The following PLA1A variants were observed in gnomAD, a reference collection of about 807,000 sequenced individuals.
PLA1A encodes the protein phospholipase A1 member A.
In PLA1A, 47 loss-of-function variants were observed where a neutral mutation model predicts 49.4. That is an observed-to-expected ratio of 0.95 (90% CI 0.75 to 1.21). The LOEUF is 1.21. Ranked by LOEUF, PLA1A falls within the 50% of genes most tolerant of loss-of-function variation. The pLI, the probability that PLA1A is intolerant of heterozygous loss-of-function variation, is 0.00. For missense variants in PLA1A, 561 were observed against 563.9 expected, an observed-to-expected ratio of 0.99 and a Z score of 0.05; for synonymous variants, 224 against 207.9, an observed-to-expected ratio of 1.08 and a Z score of -0.67.
intron 4 of PLA1A, among the ~76,000 whole-genome samples, chr3:119,612,207 C>G (rs1318215580): frequency 6.6e-6 from 1 of 152,196 alleles, no homozygotes; most frequent in African/African-American, 2.4e-5. Context: ...TTCCTACTCC[C>G]TCACCATGCT....
intron 1 of PLA1A, among the ~76,000 whole-genome samples, chr3:119,598,322 C>G (rs547293768): frequency 6.6e-6 from 1 of 152,088 alleles, no homozygotes; most frequent in South Asian, 2.1e-4. Flanking sequence ...AAATATCCAC[C>G]ATTCCAAGAT....
chr3:119,606,265 T>C (rs1482850130), intron 1 of PLA1A, among the ~76,000 whole-genome samples: 1 of 152,248 alleles, frequency 6.6e-6, no homozygotes, highest in East Asian at 1.9e-4. Context: ...CAGGACACTG[T>C]CCTTGGCTTG....
Position 119,622,914 on chromosome 3 carries a change from C to G in PLA1A, c.1013-2210C>G, listed in dbSNP as rs369709400. Among the ~76,000 whole-genome samples the G allele has an allele frequency of 2.6e-5, 4 of 152,266 alleles. 1 individual carries two copies. The East Asian group carries it at 7.7e-4, about 29-fold the overall frequency. The stretch of plus-strand genomic sequence containing the variant: ...CGATCTTGACTCACTGCAACCTCCG[C>G]CTCTTGGGTTCAAGCAATTCTTCTG... On this transcript the variant is annotated intron_variant, in intron 8 of 10. Coordinates refer to ENST00000273371, the MANE Select transcript of PLA1A (RefSeq NM_015900.4).
Position 119,616,069 on chromosome 3 carries a change from A to G in PLA1A, c.722A>G (p.Asp241Gly). 6.2e-7 allele frequency: 1 copy of G among 1,613,532 alleles called. No homozygotes were observed. Among genetic ancestry groups the G allele is most frequent in the African/African-American group, 1.3e-5 (1 of 75,046 alleles). ...GACTACTTCGTCAACGGAGGCCAAGACCAACCTGGCTGCCCCACCTTCTTT... is the reference window on the plus strand; with the variant it reads ...GACTACTTCGTCAACGGAGGCCAAGGCCAACCTGGCTGCCCCACCTTCTTT... ...HVDYFVNGGQ[D>G]QPGCPTFFYA... The change falls in exon 6 of 11, where the codon GAC (aspartate) becomes GGC (glycine). Residue 241 changes from aspartate to glycine, a missense_variant. Physicochemically the swap from Asp to Gly is moderately conservative, Grantham distance 94. Coordinates refer to ENST00000273371, the MANE Select transcript of PLA1A (RefSeq NM_015900.4).
chr3:119,616,540 T>G (rs763497337), intron 6 of PLA1A, among the ~76,000 whole-genome samples: 6 of 152,284 alleles, frequency 3.9e-5, no homozygotes, highest in Admixed American at 6.5e-5. Flanking sequence ...ATTGATATAT[T>G]CTTAGCAGAC....
intron 9 of PLA1A, among the ~76,000 whole-genome samples, chr3:119,627,715 G>A (rs1265838298): frequency 6.6e-6 from 1 of 151,980 alleles, no homozygotes; most frequent in Non-Finnish European, 1.5e-5. Flanking sequence ...GATCACAAAG[G>A]GCCCCACAAG....
chr3:119,621,012 C>T (rs1457801578), intron 8 of PLA1A, among the ~76,000 whole-genome samples: 1 of 152,226 alleles, frequency 6.6e-6, no homozygotes, highest in Admixed American at 6.5e-5. Flanking sequence ...GGCCGTACGT[C>T]TCAGCTCCCC....
intron 1 of PLA1A, among the ~76,000 whole-genome samples, chr3:119,604,186 G>A (rs1005366255): frequency 1.3e-5 from 2 of 152,136 alleles, no homozygotes; most frequent in Admixed American, 6.5e-5. Flanking sequence ...TGGAGAATAC[G>A]ATGGAGGCTC....
intron 1 of PLA1A, among the ~76,000 whole-genome samples, chr3:119,604,534 C>T (rs2107777346): frequency 6.6e-6 from 1 of 152,222 alleles, no homozygotes; most frequent in Admixed American, 6.5e-5. Flanking sequence ...ATCACATTTT[C>T]ACACATATGT....
chr3:119,614,060 A>C (rs1228906408), intron 5 of PLA1A, among the ~76,000 whole-genome samples: 1 of 152,132 alleles, frequency 6.6e-6, no homozygotes, highest in African/African-American at 2.4e-5. Flanking sequence ...GTCTGTGCTT[A>C]GTGTGGTGGG....
At chr3:119,623,302 A>G (rs1449335150) in intron 8 of PLA1A, among the ~76,000 whole-genome samples, 1 of 151,890 alleles carries the variant, frequency 6.6e-6, no homozygotes, top group Non-Finnish European at 1.5e-5. Context: ...CCACATGCCC[A>G]ACTAATTTTT....
rs577983513 is a variant in PLA1A, at chr3:119,605,608, A to G, written c.74-1166A>G. ...TGAATCACTTTGTCTGGTGGCAGCA[A>G]TGCTGTGTGGGACTGTGTTCTGCGG... On this transcript the variant is annotated intron_variant, in intron 1 of 10. Transcript: ENST00000273371. Among the ~76,000 whole-genome samples the G allele has an allele frequency of 2.0e-4, 31 of 152,346 alleles. No individual in the cohort carries two copies. In the South Asian group the frequency reaches 6.0e-3, roughly 29 times the overall value.
intron 8 of PLA1A, among the ~76,000 whole-genome samples, chr3:119,622,902 C>A (rs1280091734): frequency 6.6e-6 from 1 of 152,208 alleles, no homozygotes; most frequent in Admixed American, 6.5e-5. Context: ...TCTTGACTCA[C>A]TGCAACCTCC....
intron 2 of PLA1A, among the ~76,000 whole-genome samples, chr3:119,608,272 GAAAGA>G: frequency 6.7e-6 from 1 of 149,942 alleles, no homozygotes; most frequent in South Asian, 2.1e-4. Context: ...AAGAAAGAAA[GAAAGA>G]AAGAAAGAAA....
intron 4 of PLA1A, among the ~76,000 whole-genome samples, chr3:119,612,113 G>T (rs1560080962): frequency 6.6e-6 from 1 of 152,190 alleles, no homozygotes; most frequent in African/African-American, 2.4e-5. Context: ...TTGTTTTACA[G>T]AATCTCAAAG....
chr3:119,622,659 C>T (rs929154340), intron 8 of PLA1A, among the ~76,000 whole-genome samples: 2 of 152,020 alleles, frequency 1.3e-5, no homozygotes, highest in Non-Finnish European at 2.9e-5. Flanking sequence ...TGAGAAAGTA[C>T]AGGTAGAGTA....
chr3:119,605,379 TC>T (rs1560077195), intron 1 of PLA1A, among the ~76,000 whole-genome samples: 2 of 152,324 alleles, frequency 1.3e-5, no homozygotes, highest in East Asian at 3.9e-4. Flanking sequence ...TGAGGTATTC[TC>T]CACAGGTGGG....
chr3:119,628,655 G>A lies in PLA1A; in HGVS notation c.1122-46G>A, dbSNP rs751792427. 3 of 1,581,532 alleles carry A rather than the reference G, an allele frequency of 1.9e-6. No homozygotes were observed. In the South Asian group the frequency reaches 3.4e-5, roughly 18 times the overall value. ...TCGGAGCCAAAGGGGAAGTACAGGT[G>A]GTAAGGGCTACAGTCATTTACTTTC... On this transcript the variant is annotated intron_variant, in intron 9 of 10. Transcript: ENST00000273371.
At chr3:119,609,361 G>A (rs931812737) in intron 3 of PLA1A, 107 bp from the exon 4 acceptor site, 2 of 789,294 alleles carry the variant, frequency 2.5e-6, no homozygotes, top group African/African-American at 1.7e-5. Context: ...TGTGGTGGGT[G>A]TGTCATGCCC....
Sources: gnomAD v4.1 joint callset for allele counts (sites outside exome capture counted in the v4.1 genomes callset) on GRCh38, gnomAD v4.1.1 for gene constraint, MANE v1.5 for transcripts, NCBI Gene and HGNC (gene_info 2026-07-23, HGNC 2026-07-21) for gene names.